INPP4B: variants seen among roughly 807,000 people sequenced by gnomAD.
The protein encoded by INPP4B is inositol polyphosphate 4-phosphatase type II.
Under a neutral mutation model 122.5 loss-of-function variants are expected in INPP4B, and 55 were observed. The ratio of observed to expected loss-of-function variants is 0.45; its 90% CI spans 0.36 to 0.56. The LOEUF (loss-of-function observed/expected upper bound fraction) is 0.56. Among genes scored for constraint, INPP4B ranks in the 20% least tolerant of loss-of-function variants. The pLI is 0.00. For synonymous variants in INPP4B, 403 were observed against 388.7 expected (o/e 1.04, Z -0.43); for missense variants, 1,000 against 1,097.7 (o/e 0.91, Z 1.26).
At chr4:142,231,158 G>A (rs955243150) in intron 12 of INPP4B, among the ~76,000 whole-genome samples, 4 of 152,156 alleles carry the variant, frequency 2.6e-5, no homozygotes, top group Non-Finnish European at 5.9e-5. Flanking sequence ...CTAACTGTGA[G>A]ACTAAGAGAC....
chr4:142,826,470 C>T (rs748731889), intron 1 of INPP4B, among the ~76,000 whole-genome samples: 68 of 151,644 alleles, frequency 4.5e-4, no homozygotes, highest in Non-Finnish European at 6.0e-4. Context: ...TTTCCATTCT[C>T]TTAATGCTAA....
intron 25 of INPP4B, among the ~76,000 whole-genome samples, chr4:142,065,675 G>A (rs80054475): frequency 1.3e-5 from 2 of 152,290 alleles, no homozygotes; most frequent in Non-Finnish European, 2.9e-5. Flanking sequence ...CAAGGGCTGG[G>A]GGGATGGCAT....
intron 9 of INPP4B, among the ~76,000 whole-genome samples, chr4:142,296,815 T>C (rs1328023590): frequency 1.3e-5 from 2 of 152,222 alleles, no homozygotes; most frequent in Non-Finnish European, 2.9e-5. Flanking sequence ...TGATGGAATT[T>C]TAAGTTATTA....
At chr4:142,226,276 G>A (rs28673676) in intron 12 of INPP4B, among the ~76,000 whole-genome samples, 10,211 of 151,634 alleles carry the variant, frequency 0.067, 698 homozygotes, top group East Asian at 0.2. Flanking sequence ...AATACACATA[G>A]GATCTCTATG....
chr4:142,555,617 C>T (rs1176836249), intron 2 of INPP4B, among the ~76,000 whole-genome samples: 1 of 151,948 alleles, frequency 6.6e-6, no homozygotes, highest in Non-Finnish European at 1.5e-5. Context: ...GCCTGTAATC[C>T]CAGCACTTTG....
chr4:142,814,935 G>A (rs1779946090), intron 1 of INPP4B, among the ~76,000 whole-genome samples: 1 of 152,112 alleles, frequency 6.6e-6, no homozygotes, highest in South Asian at 2.1e-4. Context: ...AAAGAGGAGG[G>A]AGAGAGTAAC....
chr4:142,123,263 A>AT, intron 20 of INPP4B, 29 bp downstream of exon 20: 4 of 1,520,368 alleles, frequency 2.6e-6, no homozygotes, highest in Middle Eastern at 1.7e-4. Flanking sequence ...TAGAAATGTG[A>AT]TTTTAACTTG....
chr4:142,696,513 C>T (rs1244409241), intron 2 of INPP4B, among the ~76,000 whole-genome samples: 1 of 152,190 alleles, frequency 6.6e-6, no homozygotes, highest in Non-Finnish European at 1.5e-5. Flanking sequence ...CCCACCCCAG[C>T]CCTGACATCT....
chr4:142,043,392 G>A (rs1277288845), intron 25 of INPP4B, among the ~76,000 whole-genome samples: 1 of 152,190 alleles, frequency 6.6e-6, no homozygotes, highest in Non-Finnish European at 1.5e-5. Flanking sequence ...CCAAGGTACA[G>A]CTCAAAATGC....
At chr4:142,490,994 C>G (rs1360005567) in intron 2 of INPP4B, among the ~76,000 whole-genome samples, 1 of 152,104 alleles carries the variant, frequency 6.6e-6, no homozygotes, top group Non-Finnish European at 1.5e-5. Context: ...GCTTTCATAT[C>G]TTGACTATTG....
At chr4:142,116,211 T>G (rs1430777397) in intron 21 of INPP4B, among the ~76,000 whole-genome samples, 1 of 152,054 alleles carries the variant, frequency 6.6e-6, no homozygotes, top group African/African-American at 2.4e-5. Flanking sequence ...ACAATAATAA[T>G]GGGAGACTTT....
At chr4:142,110,767 A>G (rs909493585) in intron 22 of INPP4B, among the ~76,000 whole-genome samples, 1 of 152,170 alleles carries the variant, frequency 6.6e-6, no homozygotes, top group Admixed American at 6.5e-5. Flanking sequence ...AGGAAAGGAC[A>G]CTTCTTAAAT....
chr4:142,314,265 C>T (rs1412580712), intron 8 of INPP4B, among the ~76,000 whole-genome samples: 1 of 152,172 alleles, frequency 6.6e-6, no homozygotes, highest in Non-Finnish European at 1.5e-5. Context: ...GATTTTCCAA[C>T]ATTGGACTGA....
At chr4:142,598,710 A>G (rs1282550314) in intron 2 of INPP4B, among the ~76,000 whole-genome samples, 2 of 152,066 alleles carry the variant, frequency 1.3e-5, no homozygotes, top group African/African-American at 4.8e-5. Context: ...AGCAACCCCA[A>G]CCTCAGCAGC....
intron 7 of INPP4B, among the ~76,000 whole-genome samples, chr4:142,333,352 C>T (rs1277354216): frequency 1.3e-5 from 2 of 152,144 alleles, no homozygotes; most frequent in Non-Finnish European, 2.9e-5. Flanking sequence ...TAGGTGATCC[C>T]TAAGTACATT....
chr4:142,429,872 C>G (rs1808911125), intron 4 of INPP4B, among the ~76,000 whole-genome samples: 1 of 152,028 alleles, frequency 6.6e-6, no homozygotes, highest in Admixed American at 6.6e-5. Flanking sequence ...AGAGTGATCA[C>G]ATTGTGGGAA....
intron 25 of INPP4B, among the ~76,000 whole-genome samples, chr4:142,069,344 G>A (rs1765584961): frequency 1.3e-5 from 2 of 152,088 alleles, no homozygotes; most frequent in South Asian, 4.1e-4. Flanking sequence ...TGTGTAGAGG[G>A]CAATGTATAG....
At chr4:142,614,760 A>G (rs1022587494) in intron 2 of INPP4B, among the ~76,000 whole-genome samples, 2 of 152,184 alleles carry the variant, frequency 1.3e-5, no homozygotes, top group African/African-American at 4.8e-5. Context: ...AAAAGAAAAC[A>G]TACAAGTAAC....
At chr4:142,837,915 T>A (rs1783001942) in intron 1 of INPP4B, among the ~76,000 whole-genome samples, 1 of 152,004 alleles carries the variant, frequency 6.6e-6, no homozygotes, top group Non-Finnish European at 1.5e-5. Flanking sequence ...AGCAAAAACA[T>A]TACCAATAAT....
Sources: allele counts gnomAD v4.1 joint callset (sites outside exome capture counted in the v4.1 genomes callset), GRCh38; gene constraint gnomAD v4.1.1; transcripts MANE v1.5; gene names NCBI Gene and HGNC (gene_info 2026-07-23, HGNC 2026-07-21).